PPP1R13B: variants seen among roughly 807,000 people sequenced by gnomAD.
The protein encoded by PPP1R13B is apoptosis-stimulating of p53 protein 1.
A neutral mutation model predicts 119.8 loss-of-function variants in PPP1R13B; 44 were observed. The observed-to-expected ratio is 0.37, with a 90% CI of 0.29 to 0.47. The LOEUF (loss-of-function observed/expected upper bound fraction) is 0.47, where lower values mean the gene tolerates loss of function less well. Ranked by LOEUF, PPP1R13B falls within the 20% of genes least tolerant of loss-of-function variation. The pLI is 0.99. For synonymous variants in PPP1R13B, 542 were observed against 561.5 expected (o/e 0.97, Z 0.49); for missense variants, 1,227 against 1,413.5 (o/e 0.87, Z 2.12).
chr14:103,836,179 G>A (rs1290118517), intron 1 of PPP1R13B, among the ~76,000 whole-genome samples: 2 of 151,508 alleles, frequency 1.3e-5, no homozygotes, highest in African/African-American at 4.9e-5. Context: ...CCAAATAGCT[G>A]AGATTACAGG....
At chr14:103,829,393 G>C (rs959975503) in intron 1 of PPP1R13B, among the ~76,000 whole-genome samples, 2 of 152,124 alleles carry the variant, frequency 1.3e-5, no homozygotes, top group African/African-American at 4.8e-5. Context: ...TTGAACTATA[G>C]TGAATCAAAA....
intron 2 of PPP1R13B, among the ~76,000 whole-genome samples, chr14:103,788,741 C>T (rs2085534210): frequency 6.6e-6 from 1 of 151,858 alleles, no homozygotes; most frequent in South Asian, 2.1e-4. Context: ...CCTAGAGTTC[C>T]GTAAGATGTC....
At chr14:103,785,229 G>A (rs945489289) in intron 2 of PPP1R13B, among the ~76,000 whole-genome samples, 3 of 119,702 alleles carry the variant, frequency 2.5e-5, no homozygotes, top group African/African-American at 1.1e-4. Flanking sequence ...TCATTTGTTT[G>A]TTTGGTTGAG....
intron 1 of PPP1R13B, among the ~76,000 whole-genome samples, chr14:103,822,566 C>A (rs542374416): frequency 8.5e-5 from 13 of 152,326 alleles, no homozygotes; most frequent in African/African-American, 2.4e-4. Flanking sequence ...GTAATCCCAG[C>A]ACTTTGGGAG....
intron 1 of PPP1R13B, among the ~76,000 whole-genome samples, chr14:103,806,846 C>G (rs2086028127): frequency 6.6e-6 from 1 of 152,190 alleles, no homozygotes; most frequent in African/African-American, 2.4e-5. Context: ...AAACTGATAA[C>G]TCGTCTCCCT....
chr14:103,802,189 A>T (rs2085915516), intron 1 of PPP1R13B, among the ~76,000 whole-genome samples: 2 of 152,158 alleles, frequency 1.3e-5, no homozygotes, highest in Admixed American at 6.6e-5. Flanking sequence ...GCTCTTAAAG[A>T]TCTAGTAATA....
At chr14:103,737,615 T>G (rs1055221996) in intron 15 of PPP1R13B, 79 bp downstream of exon 15, 2 of 1,509,660 alleles carry the variant, frequency 1.3e-6, no homozygotes, top group Non-Finnish European at 1.8e-6. Flanking sequence ...TGCTGAAGCT[T>G]CTCTGGCACC....
chr14:103,778,246 C>T (rs12890837), intron 4 of PPP1R13B, among the ~76,000 whole-genome samples: 41,876 of 146,256 alleles, frequency 0.29, 6,527 homozygotes, highest in Non-Finnish European at 0.34. Flanking sequence ...TGAGCCACCA[C>T]GCCTGGCCAC....
At chr14:103,844,474 A>C (rs746804524) in intron 1 of PPP1R13B, among the ~76,000 whole-genome samples, 11 of 152,140 alleles carry the variant, frequency 7.2e-5, no homozygotes, top group Non-Finnish European at 2.9e-5. Flanking sequence ...TCATGCCTGT[A>C]ATCCCAGCAC....
intron 1 of PPP1R13B, among the ~76,000 whole-genome samples, chr14:103,802,466 C>T (rs1318100602): frequency 1.3e-5 from 2 of 152,214 alleles, no homozygotes; most frequent in Admixed American, 6.6e-5. Flanking sequence ...CCCTGTTTCA[C>T]TCAGTACTTC....
intron 1 of PPP1R13B, among the ~76,000 whole-genome samples, chr14:103,798,025 C>T (rs1300493869): frequency 6.6e-6 from 1 of 152,008 alleles, no homozygotes; most frequent in Non-Finnish European, 1.5e-5. Context: ...ATAAAAAGTC[C>T]AGAATAAAAC....
chr14:103,768,241 G>A (rs187684177), intron 4 of PPP1R13B, among the ~76,000 whole-genome samples: 3 of 149,046 alleles, frequency 2.0e-5, no homozygotes, highest in South Asian at 2.2e-4. Flanking sequence ...TCAGCCTCCC[G>A]GATAGCTGGG....
In PPP1R13B at chr14:103,847,552, G is replaced by A. The variant is rs1414987698; in HGVS notation, c.-245C>T. On this transcript the variant is annotated 5_prime_UTR_variant, in exon 1 of 17. Transcript: ENST00000202556. Reference sequence around the variant, plus strand: ...CGCCGCCGCCTCAACCTCAGCCTCAGCCTCAGCCCCAGCCCGACAGCCTGC... The same window carrying A: ...CGCCGCCGCCTCAACCTCAGCCTCAACCTCAGCCCCAGCCCGACAGCCTGC... The A allele has an allele frequency of 6.1e-6, 6 of 986,356 alleles. No homozygotes were observed. In the African/African-American group the frequency reaches 8.8e-5, roughly 14 times the overall value. The allele number at this position is 986,356 out of a possible 1,614,324, so 61.1% of individuals were successfully genotyped here.
intron 2 of PPP1R13B, among the ~76,000 whole-genome samples, chr14:103,793,846 T>C (rs2085688813): frequency 6.6e-6 from 1 of 152,222 alleles, no homozygotes; most frequent in Admixed American, 6.5e-5. Flanking sequence ...TGTTACAGGC[T>C]GAACTGTGTC....
At chr14:103,816,149 C>T (rs2152064405) in intron 1 of PPP1R13B, among the ~76,000 whole-genome samples, 1 of 151,668 alleles carries the variant, frequency 6.6e-6, no homozygotes, top group East Asian at 2.0e-4. Flanking sequence ...AAATATTTTT[C>T]TCAATGAAAA....
intron 4 of PPP1R13B, among the ~76,000 whole-genome samples, chr14:103,769,112 G>A (rs1047959975): frequency 6.6e-6 from 1 of 152,098 alleles, no homozygotes; most frequent in African/African-American, 2.4e-5. Flanking sequence ...TTGAGATGGA[G>A]TCTCGCTCTG....
chr14:103,746,618 C>A (rs2084392672), intron 8 of PPP1R13B, 65 bp from the exon 9 acceptor site: 7 of 1,333,844 alleles, frequency 5.2e-6, no homozygotes, highest in Non-Finnish European at 7.0e-6. Context: ...AAGCTTAGTG[C>A]AAGAGACTGC....
chr14:103,817,247 T>C (rs1353441645), intron 1 of PPP1R13B, among the ~76,000 whole-genome samples: 1 of 152,168 alleles, frequency 6.6e-6, no homozygotes, highest in Non-Finnish European at 1.5e-5. Flanking sequence ...ACCACCGTTG[T>C]TACTGCACAG....
At chr14:103,836,400 TA>T (rs2086778827) in intron 1 of PPP1R13B, among the ~76,000 whole-genome samples, 1 of 152,092 alleles carries the variant, frequency 6.6e-6, no homozygotes, top group Admixed American at 6.6e-5. Context: ...CTGACAATCC[TA>T]ACAGTATCAT....
Sources: gnomAD v4.1 joint callset for allele counts (sites outside exome capture counted in the v4.1 genomes callset) on GRCh38, gnomAD v4.1.1 for gene constraint, MANE v1.5 for transcripts, NCBI Gene and HGNC (gene_info 2026-07-23, HGNC 2026-07-21) for gene names.